ROBO4: variants seen among roughly 807,000 people sequenced by gnomAD.
ROBO4 encodes the protein roundabout homolog 4.
ROBO4 carries 80 observed loss-of-function variants against 103.3 expected under a neutral mutation model. The observed-to-expected ratio is 0.77, with a 90% confidence interval of 0.65 to 0.93. The LOEUF (loss-of-function observed/expected upper bound fraction) is 0.93. ROBO4 is among the 40% of genes least tolerant of loss of function. The probability of loss-of-function intolerance (pLI) is 0.00; values close to 1 mark genes in which losing one functional copy is unlikely to be tolerated. For missense variants in ROBO4, 1,333 were observed against 1,305.3 expected, an observed-to-expected ratio of 1.02 and a Z score of -0.33; for synonymous variants, 504 against 529.7, an observed-to-expected ratio of 0.95 and a Z score of 0.67.
At position 124,891,690 on chromosome 11, in the gene ROBO4, C is replaced by T. The variant is rs1266053426; in HGVS notation, c.1660G>A (p.Asp554Asn). Reference sequence around the variant, plus strand: ...CAGGAGCGACGACAGTCTAGTGGGTCCCGGGCATCCGCCCCCAGCCGACTG... The same window carrying T: ...CAGGAGCGACGACAGTCTAGTGGGTTCCGGGCATCCGCCCCCAGCCGACTG... ...LSSRLGADARDPLDCRRSLLS... is the reference protein window; with the variant it reads ...LSSRLGADARNPLDCRRSLLS... Residue 554 changes from aspartate (D) to asparagine (N), a missense_variant, in exon 11 of 18, where the codon GAC (aspartate) becomes AAC (asparagine). Transcript: ENST00000306534. The T allele has an allele frequency of 6.2e-7, 1 of 1,614,170 alleles. No individual in the cohort carries two copies. The highest frequency in any genetic ancestry group is 8.5e-7 in the Non-Finnish European group (1 of 1,180,022).
chr11:124,886,943 C>T (rs761167258), intron 15 of ROBO4, 34 bp downstream of exon 15: 4 of 1,579,188 alleles, frequency 2.5e-6, no homozygotes, highest in Non-Finnish European at 3.5e-6. Context: ...CACAGCTTTT[C>T]TGTAGTTCTT....
Position 124,887,750 on chromosome 11 carries a change from T to A in ROBO4, c.2039A>T (p.Asn680Ile), listed in dbSNP as rs761883031. ...ACELGNRGSK[N>I]LSQSPGAVPQ... is the part of the protein sequence containing the mutation. ...CCTCTCACCTGGGCTTTGGGAAAGG[T>A]TCTTGGAACCTCTATTTCCTAACTC... The change falls in exon 13 of 18, where the codon AAC becomes ATC. Residue 680 changes from asparagine to isoleucine, a missense_variant. Physicochemically the swap from Asn to Ile is moderately radical, Grantham distance 149. Transcript: ENST00000306534. 1.2e-6 allele frequency: 2 copies of A among 1,613,864 alleles called. No individual in the cohort carries two copies. The highest frequency in any genetic ancestry group is 1.7e-5 in the Admixed American group (1 of 59,960).
chr11:124,891,538 G>T lies in ROBO4; in HGVS notation c.1709C>A (p.Pro570His). Reference protein sequence around the residue: ...RSLLSWDSRSPGVPLLPDTST... With the variant: ...RSLLSWDSRSHGVPLLPDTST... ...GGTGTCTGGAAGCAGGGGCACGCCG[G>T]GGCTTCGGGAGTCCCAGGAGAGCAC... The change falls in exon 12 of 18, where the codon CCC becomes CAC. Residue 570 changes from proline to histidine, a missense_variant. Coordinates refer to ENST00000306534, the MANE Select transcript of ROBO4 (RefSeq NM_019055.6). 6.2e-7 allele frequency: 1 copy of T among 1,614,200 alleles called. No individual in the cohort carries two copies. The highest frequency in any genetic ancestry group is 1.1e-5 in the South Asian group (1 of 91,084).
In ROBO4 at chr11:124,887,113, G is replaced by C; in HGVS notation, c.2299C>G (p.Leu767Val). The C allele has an allele frequency of 6.2e-7, 1 of 1,613,814 alleles. No homozygotes were observed. The highest frequency in any genetic ancestry group is 8.5e-7 in the Non-Finnish European group (1 of 1,179,794). Residue 767 changes from leucine to valine, a missense_variant, in exon 15 of 18, where the codon CTC becomes GTC. Physicochemically the swap from Leu to Val is conservative, Grantham distance 32. Coordinates refer to ENST00000306534, the MANE Select transcript of ROBO4 (RefSeq NM_019055.6). Reference protein sequence around the residue: ...CSPPSPQASSLSGPSPASSRL... With the variant: ...CSPPSPQASSVSGPSPASSRL... ...CTGGAAGCTGGGCTGGGGCCAGAGA[G>C]GGAAGAGGCCTGGGGGCTAGGGGGA...
intron 1 of ROBO4, among the ~76,000 whole-genome samples, 169 bp from the exon 2 acceptor site, chr11:124,897,430 G>A (rs985153708): frequency 1.3e-5 from 2 of 152,142 alleles, no homozygotes; most frequent in African/African-American, 2.4e-5. Context: ...GAGAGGGCCA[G>A]CATGCACAGC....
intron 16 of ROBO4, 44 bp from the exon 17 acceptor site, chr11:124,885,291 C>A (rs756299589): frequency 6.5e-7 from 1 of 1,529,290 alleles, no homozygotes; most frequent in East Asian, 2.3e-5. Flanking sequence ...TGACCTTCAG[C>A]CCCTAGGGGC....
chr11:124,896,065 A>C, intron 4 of ROBO4, 133 bp downstream of exon 4: 1 of 1,508,564 alleles, frequency 6.6e-7, no homozygotes, highest in South Asian at 1.2e-5. Flanking sequence ...AGCAGGGGGG[A>C]ACCTCCCGCT....
At position 124,886,969 on chromosome 11, in the gene ROBO4, C is replaced by A; in HGVS notation, c.2435+8G>T. The A allele has an allele frequency of 6.3e-7, 1 of 1,599,072 alleles. No individual in the cohort carries two copies. The highest frequency in any genetic ancestry group is 8.6e-7 in the Non-Finnish European group (1 of 1,169,508). ...TGTAGTTCTTTGGTTATCTCTCAAG[C>A]TACTCACCTGGGAGTCTCCTCACCC... On this transcript the variant is annotated splice_region_variant and intron_variant, in intron 15 of 17. Transcript: ENST00000306534.
intron 16 of ROBO4, 52 bp from the exon 17 acceptor site, chr11:124,885,299 G>T (rs779269999): frequency 2.0e-6 from 3 of 1,494,238 alleles, no homozygotes; most frequent in South Asian, 2.3e-5. Flanking sequence ...AGCCCCTAGG[G>T]GCCAGTTTAG....
At chr11:124,895,997 C>A in intron 4 of ROBO4, 85 bp from the exon 5 acceptor site, 1 of 1,578,956 alleles carries the variant, frequency 6.3e-7, no homozygotes, top group Non-Finnish European at 8.6e-7. Flanking sequence ...CAGGGAGGAA[C>A]CCCAGGGAAC....
rs1946925686 is a variant in ROBO4, at chr11:124,897,820, G to C, written c.-25C>G. ...TGGCTACTCTCAGCCCTATGTCCTT[G>C]TCCCGAGCACTTTGTCCTGCTGCTC... is the stretch of plus-strand genomic sequence containing the variant. On this transcript the variant is annotated 5_prime_UTR_variant, in exon 1 of 18. Transcript: ENST00000306534. The C allele has an allele frequency of 1.3e-6, 2 of 1,589,900 alleles. No individual in the cohort carries two copies. The highest frequency in any genetic ancestry group is 1.7e-6 in the Non-Finnish European group (2 of 1,161,468).
rs991250172 is a variant in ROBO4, at chr11:124,884,995, C to G, written c.3001+46G>C. 6 of 1,612,348 alleles carry G rather than the reference C, an allele frequency of 3.7e-6. No individual in the cohort carries two copies. In the African/African-American group the frequency reaches 5.3e-5, roughly 14 times the overall value. ...CTTCCTCCTGGCTTCTTCCCAGAGG[C>G]CCTCTGGTCAAGATGAACACATTAG... On this transcript the variant is annotated intron_variant, in intron 17 of 17. Transcript: ENST00000306534.
chr11:124,892,090 C>A (rs1040329738), intron 10 of ROBO4: 2 of 622,010 alleles, frequency 3.2e-6, no homozygotes, highest in East Asian at 3.4e-5. Flanking sequence ...GACCTGAAGA[C>A]AAATCTGGTT....
rs745532878 is a variant in ROBO4, at chr11:124,891,720, G to GGCT, written c.1627_1629dup (p.Ser543dup). The GGCT allele has an allele frequency of 1.5e-5, 24 of 1,614,044 alleles. No individual in the cohort carries two copies. Among genetic ancestry groups the GGCT allele is most frequent in the African/African-American group, 2.7e-5 (2 of 74,922 alleles). ...GCATCCGCCCCCAGCCGACTGCTGA[G>GGCT]GCTGCTGCTGCTGCTCAGGTCCCGA... is the stretch of plus-strand genomic sequence containing the variant. On this transcript the variant is annotated inframe_insertion, in exon 11 of 18. Coordinates refer to ENST00000306534, the MANE Select transcript of ROBO4 (RefSeq NM_019055.6).
intron 12 of ROBO4, among the ~76,000 whole-genome samples, chr11:124,890,036 A>T (rs1327323228): frequency 1.3e-5 from 2 of 152,250 alleles, no homozygotes; most frequent in African/African-American, 4.8e-5. Context: ...CTGGCTGTAG[A>T]AAACCACTCA....
At chr11:124,889,935 G>T (rs1946774953) in intron 12 of ROBO4, among the ~76,000 whole-genome samples, 2 of 152,174 alleles carry the variant, frequency 1.3e-5, no homozygotes, top group African/African-American at 4.8e-5. Flanking sequence ...GTGGTGAGAT[G>T]GGGCTGGAGC....
intron 16 of ROBO4, among the ~76,000 whole-genome samples, 186 bp from the exon 17 acceptor site, chr11:124,885,433 G>A (rs1360074462): frequency 6.6e-6 from 1 of 152,204 alleles, no homozygotes; most frequent in Non-Finnish European, 1.5e-5. Context: ...TCTTTAGGGA[G>A]AAGTGATTGA....
At position 124,884,289 on chromosome 11, in the gene ROBO4, T is replaced by C. The variant is rs1946676986; in HGVS notation, c.*602A>G. 6.5e-6 allele frequency: 1 copy of C among 153,624 alleles called. No individual in the cohort carries two copies. The highest frequency in any genetic ancestry group is 1.4e-5 in the Non-Finnish European group (1 of 69,028). 9.5% of individuals were successfully genotyped at this position (153,624 alleles called of 1,614,324 possible). ...GACAACAGTACGAGGATGGTGCTTT[T>C]GACCTACGGTCTCATACCTCCCTTC... is the stretch of plus-strand genomic sequence containing the variant. On this transcript the variant is annotated 3_prime_UTR_variant, in exon 18 of 18. Transcript: ENST00000306534.
At chr11:124,895,736 C>T (rs750323110) in intron 5 of ROBO4, 49 bp downstream of exon 5, 2 of 1,612,802 alleles carry the variant, frequency 1.2e-6, no homozygotes, top group African/African-American at 1.3e-5. Context: ...TCAGGAACGC[C>T]CTTTCTTGAG....
Sources: allele counts gnomAD v4.1 joint callset (sites outside exome capture counted in the v4.1 genomes callset), GRCh38; gene constraint gnomAD v4.1.1; transcripts MANE v1.5; gene names NCBI Gene and HGNC (gene_info 2026-07-23, HGNC 2026-07-21).